The following NXN variants were observed in gnomAD, a reference collection of about 807,000 sequenced individuals.
The protein encoded by NXN is nucleoredoxin 1.
NXN carries 16 observed loss-of-function variants against 48.6 expected under a neutral mutation model. The observed-to-expected ratio is 0.33, with a 90% CI of 0.22 to 0.50. The LOEUF (loss-of-function observed/expected upper bound fraction) is 0.50, where lower values mean the gene tolerates loss of function less well. Among genes scored for constraint, NXN ranks in the 20% least tolerant of loss-of-function variants. The pLI is 0.98. For missense variants in NXN, 492 were observed against 605.5 expected, an observed-to-expected ratio of 0.81 and a Z score of 1.97; for synonymous variants, 281 against 269.6, an observed-to-expected ratio of 1.04 and a Z score of -0.41.
Position 903,720 on chromosome 17 carries a change from C to A in NXN, c.360+75599G>T, listed in dbSNP as rs77947926. Among the ~76,000 whole-genome samples, 2,051 of 152,236 alleles carry A rather than the reference C, an allele frequency of 0.013. 96 individuals carry two copies. The East Asian group carries it at 0.17, about 12-fold the overall frequency. On this transcript the variant is annotated intron_variant, in intron 1 of 7. Transcript: ENST00000336868. ...TCTATACATATGGGCTCACTTAGTACCCACGACAACCCTTTGAGGTATTAT... is the reference window on the plus strand; with the variant it reads ...TCTATACATATGGGCTCACTTAGTAACCACGACAACCCTTTGAGGTATTAT...
intron 1 of NXN, among the ~76,000 whole-genome samples, chr17:976,904 C>T (rs531645664): frequency 6.6e-6 from 1 of 152,058 alleles, no homozygotes; most frequent in East Asian, 1.9e-4. Context: ...GTAGCTGGGA[C>T]TAGAGGCATG....
intron 1 of NXN, among the ~76,000 whole-genome samples, chr17:949,839 G>C (rs969691452): frequency 1.3e-5 from 2 of 151,532 alleles, no homozygotes; most frequent in Non-Finnish European, 2.9e-5. Context: ...GCCTGGAGCA[G>C]TGGGGGCTGG....
At chr17:810,899 A>T (rs1911958112) in intron 5 of NXN, among the ~76,000 whole-genome samples, 1 of 152,186 alleles carries the variant, frequency 6.6e-6, no homozygotes, top group Admixed American at 6.5e-5. Flanking sequence ...AAAAAAAAAA[A>T]ATTAGACAAA....
At chr17:841,554 C>A (rs1283600899) in intron 1 of NXN, among the ~76,000 whole-genome samples, 2 of 125,032 alleles carry the variant, frequency 1.6e-5, no homozygotes, top group Non-Finnish European at 3.4e-5. Context: ...CGCCGGCGAG[C>A]AGGTCCCCCC....
intron 1 of NXN, chr17:877,770 A>G (rs901351752): frequency 1.0e-4 from 16 of 152,404 alleles, no homozygotes; most frequent in African/African-American, 3.6e-4. Context: ...GAAAGGCCGT[A>G]GCGTCTGAGC....
At chr17:877,568 T>C (rs1487757209) in intron 1 of NXN, among the ~76,000 whole-genome samples, 3 of 152,186 alleles carry the variant, frequency 2.0e-5, no homozygotes, top group Admixed American at 6.5e-5. Context: ...CTTTCCTTTA[T>C]GGAAGGCCCA....
chr17:909,289 T>C (rs183138529), intron 1 of NXN, among the ~76,000 whole-genome samples: 1 of 152,104 alleles, frequency 6.6e-6, no homozygotes, highest in Non-Finnish European at 1.5e-5. Flanking sequence ...CAAACACTTA[T>C]AAAGCTAAAC....
At chr17:842,832 G>A (rs964701389) in intron 1 of NXN, among the ~76,000 whole-genome samples, 5 of 152,026 alleles carry the variant, frequency 3.3e-5, no homozygotes, top group Non-Finnish European at 7.4e-5. Context: ...TCAGCTGCTC[G>A]GGAGGCTGGG....
At chr17:837,648 T>G (rs1913899154) in intron 1 of NXN, among the ~76,000 whole-genome samples, 1 of 152,174 alleles carries the variant, frequency 6.6e-6, no homozygotes, top group East Asian at 1.9e-4. Flanking sequence ...ATGATTCGAA[T>G]CCAGCGCTGG....
intron 1 of NXN, among the ~76,000 whole-genome samples, chr17:927,480 C>A (rs1659441616): frequency 6.7e-6 from 1 of 148,872 alleles, no homozygotes; most frequent in Admixed American, 6.8e-5. Flanking sequence ...TGGTGCACAC[C>A]TGTGGTCCCA....
intron 5 of NXN, among the ~76,000 whole-genome samples, chr17:807,115 T>G (rs1337410574): frequency 6.6e-6 from 1 of 152,206 alleles, no homozygotes; most frequent in Non-Finnish European, 1.5e-5. Flanking sequence ...CCATGCCCGC[T>G]GTGTCCATCC....
intron 1 of NXN, among the ~76,000 whole-genome samples, chr17:873,161 G>T (rs56146140): frequency 6.6e-6 from 1 of 151,948 alleles, no homozygotes; most frequent in Non-Finnish European, 1.5e-5. Flanking sequence ...GCAGCTCTTG[G>T]GGCTTCTTAG....
At chr17:892,471 G>A (rs1010044653) in intron 1 of NXN, among the ~76,000 whole-genome samples, 22 of 152,074 alleles carry the variant, frequency 1.4e-4, no homozygotes, top group African/African-American at 4.1e-4. Context: ...TTCTGCCCCC[G>A]CACAGCCAGG....
chr17:927,541 T>C (rs886457531), intron 1 of NXN, among the ~76,000 whole-genome samples: 13 of 141,488 alleles, frequency 9.2e-5, no homozygotes, highest in African/African-American at 2.2e-4. Flanking sequence ...GATTACGCCA[T>C]TGCACTCCAG....
At chr17:801,999 T>C (rs1911239562) in intron 7 of NXN, among the ~76,000 whole-genome samples, 2 of 152,252 alleles carry the variant, frequency 1.3e-5, no homozygotes, top group Admixed American at 6.5e-5. Context: ...AGAAAGAAGC[T>C]GGCACTTTAT....
chr17:946,462 C>G (rs1033881151), intron 1 of NXN, among the ~76,000 whole-genome samples: 1 of 152,162 alleles, frequency 6.6e-6, no homozygotes, highest in Non-Finnish European at 1.5e-5. Flanking sequence ...CCACCACACC[C>G]GGCCAAAGGC....
chr17:890,740 A>G (rs914730874), intron 1 of NXN, among the ~76,000 whole-genome samples: 2 of 152,004 alleles, frequency 1.3e-5, no homozygotes, highest in East Asian at 1.9e-4. Context: ...GGGTTTTATG[A>G]CTTCTGACAG....
At chr17:841,448 CTGACCA>C (rs1914226418) in intron 1 of NXN, among the ~76,000 whole-genome samples, 1 of 129,224 alleles carries the variant, frequency 7.7e-6, no homozygotes, top group Non-Finnish European at 1.8e-5. Flanking sequence ...GCAGGTCCCC[CTGACCA>C]CGGCGCATCT....
At chr17:871,338 T>C (rs1475195282) in intron 1 of NXN, among the ~76,000 whole-genome samples, 1 of 151,276 alleles carries the variant, frequency 6.6e-6, no homozygotes, top group Non-Finnish European at 1.5e-5. Flanking sequence ...ATTCCTAATA[T>C]CACTTAGTGA....
Sources: allele counts gnomAD v4.1 joint callset (sites outside exome capture counted in the v4.1 genomes callset), GRCh38; gene constraint gnomAD v4.1.1; transcripts MANE v1.5; gene names NCBI Gene and HGNC (gene_info 2026-07-23, HGNC 2026-07-21).